The following HYCC1 variants were observed in gnomAD, a reference collection of about 807,000 sequenced individuals.
HYCC1 encodes the protein hyccin PI4KA lipid kinase complex subunit 1.
chr7:22,975,778 G>T, the HYCC1 span, among the ~76,000 whole-genome samples: 2 of 152,064 alleles, frequency 1.3e-5, no homozygotes, highest in African/African-American at 4.8e-5. Flanking sequence ...GTGCAGTGGT[G>T]CAATCATAGC....
the HYCC1 span, among the ~76,000 whole-genome samples, chr7:22,928,342 T>C: frequency 1.3e-5 from 2 of 152,054 alleles, no homozygotes; most frequent in South Asian, 4.2e-4. Context: ...CCAGGGCAAT[T>C]AGGCAGGAGA....
chr7:22,961,182 T>C, the HYCC1 span: 1 of 1,204,486 alleles, frequency 8.3e-7, no homozygotes, highest in Non-Finnish European at 1.2e-6. Context: ...TTTATAGTTC[T>C]AAATTGAGAA....
At chr7:23,010,604 T>C in the HYCC1 span, among the ~76,000 whole-genome samples, 1 of 152,190 alleles carries the variant, frequency 6.6e-6, no homozygotes, top group Non-Finnish European at 1.5e-5. Context: ...GGTATAAACA[T>C]ATGTCAAATA....
At chr7:22,959,964 C>T in the HYCC1 span, among the ~76,000 whole-genome samples, 2 of 152,052 alleles carry the variant, frequency 1.3e-5, no homozygotes, top group African/African-American at 4.8e-5. Context: ...GAATACAAGC[C>T]CAAAATGTAT....
chr7:22,941,369 C>A, the HYCC1 span: 3 of 152,076 alleles, frequency 2.0e-5, no homozygotes, highest in Admixed American at 1.3e-4. Context: ...AACTAAACTC[C>A]AGTTTATTTC....
the HYCC1 span, among the ~76,000 whole-genome samples, chr7:22,901,634 T>A: frequency 6.6e-6 from 1 of 152,146 alleles, no homozygotes; most frequent in African/African-American, 2.4e-5. Context: ...GAAGAGGATA[T>A]ATTGATATCA....
At chr7:22,923,742 T>C in the HYCC1 span, among the ~76,000 whole-genome samples, 2 of 151,862 alleles carry the variant, frequency 1.3e-5, no homozygotes, top group African/African-American at 2.4e-5. Flanking sequence ...ATAAAGGAAA[T>C]TTAGGAATCA....
the HYCC1 span, among the ~76,000 whole-genome samples, chr7:22,899,006 T>C: frequency 6.6e-6 from 1 of 152,342 alleles, no homozygotes; most frequent in East Asian, 1.9e-4. Context: ...AAATTCTTTG[T>C]CAAGGCCATT....
At chr7:22,924,642 C>T in the HYCC1 span, among the ~76,000 whole-genome samples, 1 of 152,220 alleles carries the variant, frequency 6.6e-6, no homozygotes, top group Non-Finnish European at 1.5e-5. Flanking sequence ...GGGAGGGGCA[C>T]CCGCCATTGC....
chr7:22,923,313 C>T, the HYCC1 span, among the ~76,000 whole-genome samples: 53 of 152,140 alleles, frequency 3.5e-4, no homozygotes, highest in East Asian at 3.5e-3. Context: ...AATAACCAAA[C>T]GGTCAAAGAA....
At chr7:22,923,764 T>C in the HYCC1 span, among the ~76,000 whole-genome samples, 1 of 151,908 alleles carries the variant, frequency 6.6e-6, no homozygotes, top group Non-Finnish European at 1.5e-5. Context: ...ATAAAATAAT[T>C]ACATGGAAAT....
the HYCC1 span, among the ~76,000 whole-genome samples, chr7:22,987,228 C>T: frequency 3.9e-5 from 6 of 152,210 alleles, no homozygotes; most frequent in East Asian, 1.2e-3. Flanking sequence ...ATAATGAAGT[C>T]CTAGACTAAT....
chr7:22,949,849 A>T, the HYCC1 span, among the ~76,000 whole-genome samples: 13 of 152,046 alleles, frequency 8.6e-5, no homozygotes, highest in Non-Finnish European at 1.5e-4. Flanking sequence ...TTTTCCCACA[A>T]GCATAAGTCT....
the HYCC1 span, among the ~76,000 whole-genome samples, chr7:22,918,310 C>T: frequency 6.6e-6 from 1 of 152,244 alleles, no homozygotes; most frequent in East Asian, 1.9e-4. Flanking sequence ...TCCAGGCCAT[C>T]ACTAATCATG....
At chr7:22,959,588 A>G in the HYCC1 span, among the ~76,000 whole-genome samples, 33,365 of 152,054 alleles carry the variant, frequency 0.22, 3,796 homozygotes, top group East Asian at 0.36. Context: ...GTAGGAGGGA[A>G]GTTATAAAAA....
chr7:22,962,986 G>A, the HYCC1 span, among the ~76,000 whole-genome samples: 1 of 152,112 alleles, frequency 6.6e-6, no homozygotes, highest in Non-Finnish European at 1.5e-5. Flanking sequence ...AGAGGAATTT[G>A]AAGTAGATGG....
At chr7:22,933,515 A>G in the HYCC1 span, among the ~76,000 whole-genome samples, 2 of 151,974 alleles carry the variant, frequency 1.3e-5, no homozygotes, top group African/African-American at 2.4e-5. Context: ...TGCTGTTTGC[A>G]TGGTATAGCA....
chr7:22,927,770 G>A, the HYCC1 span, among the ~76,000 whole-genome samples: 2 of 152,146 alleles, frequency 1.3e-5, no homozygotes, highest in Non-Finnish European at 2.9e-5. Context: ...GGAGGAGCTG[G>A]TACCATTCTT....
chr7:22,921,968 C>G, the HYCC1 span, among the ~76,000 whole-genome samples: 1 of 151,836 alleles, frequency 6.6e-6, no homozygotes, highest in African/African-American at 2.4e-5. Flanking sequence ...GTAAGAAAAA[C>G]TCAAAAGCCT....
Sources: allele counts gnomAD v4.1 joint callset (sites outside exome capture counted in the v4.1 genomes callset), GRCh38; gene constraint gnomAD v4.1.1; transcripts MANE v1.5; gene names NCBI Gene and HGNC (gene_info 2026-07-23, HGNC 2026-07-21).